The following KIF16B variants were observed in gnomAD, a reference collection of about 807,000 sequenced individuals.
KIF16B encodes the protein kinesin family member 16B.
In KIF16B, 98 loss-of-function variants were observed where a neutral mutation model predicts 156.3. The ratio of observed to expected loss-of-function variants is 0.63; its 90% CI spans 0.53 to 0.74. The LOEUF (loss-of-function observed/expected upper bound fraction) is 0.74. KIF16B is among the 30% of genes least tolerant of loss of function. KIF16B has a pLI of 0.00. For missense variants in KIF16B, 1,421 were observed against 1,606.5 expected, an observed-to-expected ratio of 0.88 and a Z score of 1.97; for synonymous variants, 564 against 583.7, an observed-to-expected ratio of 0.97 and a Z score of 0.49.
intron 17 of KIF16B, among the ~76,000 whole-genome samples, chr20:16,404,018 G>A (rs1045296504): frequency 2.0e-5 from 3 of 152,162 alleles, no homozygotes; most frequent in African/African-American, 7.2e-5. Flanking sequence ...CATGTAAAAT[G>A]GGAATAGGTT....
At chr20:16,395,509 T>G (rs1262724979) in intron 17 of KIF16B, among the ~76,000 whole-genome samples, 1 of 152,186 alleles carries the variant, frequency 6.6e-6, no homozygotes, top group African/African-American at 2.4e-5. Context: ...TGCCTTTGGC[T>G]TTTGGTATTC....
intron 24 of KIF16B, among the ~76,000 whole-genome samples, chr20:16,322,672 G>A (rs1390772941): frequency 2.6e-5 from 4 of 151,994 alleles, no homozygotes; most frequent in African/African-American, 4.8e-5. Flanking sequence ...AACTGACACA[G>A]CCCAATTTTC....
At chr20:16,383,841 C>G (rs2065162986) in intron 17 of KIF16B, among the ~76,000 whole-genome samples, 3 of 152,350 alleles carry the variant, frequency 2.0e-5, no homozygotes, top group South Asian at 2.1e-4. Context: ...CTGGCTTTGA[C>G]AGTGTCACGT....
At chr20:16,281,894 G>A (rs1480623180) in intron 25 of KIF16B, among the ~76,000 whole-genome samples, 2 of 152,054 alleles carry the variant, frequency 1.3e-5, no homozygotes, top group Non-Finnish European at 2.9e-5. Context: ...ATCTTCCAAG[G>A]ACTGGTTCAA....
At chr20:16,297,697 G>GAAA (rs35929179) in intron 25 of KIF16B, among the ~76,000 whole-genome samples, 3 of 103,930 alleles carry the variant, frequency 2.9e-5, no homozygotes, top group Admixed American at 1.0e-4. Context: ...CTCCATCTCA[G>GAAA]AAAAAAAAAA....
intron 1 of KIF16B, among the ~76,000 whole-genome samples, chr20:16,540,173 G>GT (rs2070139034): frequency 6.6e-6 from 1 of 152,224 alleles, no homozygotes; most frequent in African/African-American, 2.4e-5. Flanking sequence ...TGACAATCAA[G>GT]TTTGCAGCTC....
At position 16,396,525 on chromosome 20, in the gene KIF16B, T is replaced by C. The variant is rs80015612; in HGVS notation, c.1784+8288A>G. 7.7e-3 allele frequency among the ~76,000 whole-genome samples: 1,171 copies of C among 151,896 alleles called. 9 individuals are homozygous for C. The highest frequency in any genetic ancestry group is 0.013 in the Non-Finnish European group (889 of 67,972). ...ATATAAATATATATATATAAATGTG[T>C]GTACATATATAAATGTGTGTGTACA... On this transcript the variant is annotated intron_variant, in intron 17 of 25. Transcript: ENST00000354981.
At chr20:16,516,617 C>T (rs926315666) in intron 3 of KIF16B, among the ~76,000 whole-genome samples, 1 of 152,138 alleles carries the variant, frequency 6.6e-6, no homozygotes, top group Non-Finnish European at 1.5e-5. Context: ...CACCAACGTC[C>T]AAGGTGGGGC....
At chr20:16,537,990 C>T (rs1207411118) in intron 1 of KIF16B, among the ~76,000 whole-genome samples, 1 of 152,156 alleles carries the variant, frequency 6.6e-6, no homozygotes, top group Non-Finnish European at 1.5e-5. Flanking sequence ...AGGCATGAGC[C>T]ACCATGCCCA....
intron 19 of KIF16B, among the ~76,000 whole-genome samples, chr20:16,376,270 G>A (rs76115025): frequency 0.03 from 4,508 of 152,228 alleles, 90 homozygotes; most frequent in South Asian, 0.052. Context: ...ATTTCTAGTT[G>A]GGTTACCTGA....
At chr20:16,424,353 C>T (rs2066301949) in intron 15 of KIF16B, among the ~76,000 whole-genome samples, 1 of 152,216 alleles carries the variant, frequency 6.6e-6, no homozygotes, top group South Asian at 2.1e-4. Context: ...GGACATTATG[C>T]ACCTCCTCCA....
In KIF16B at chr20:16,285,480, G is replaced by A. The variant is rs369410009; in HGVS notation, c.3796-12069C>T. ...AATTTATTGTTATTAGTTTTTTTGC[G>A]TATCTTTCTATGGCATTTTAATGCC... On this transcript the variant is annotated intron_variant, in intron 25 of 25. Coordinates refer to ENST00000354981, the MANE Select transcript of KIF16B (RefSeq NM_024704.5). Among the ~76,000 whole-genome samples, 16 of 152,130 alleles carry A rather than the reference G, an allele frequency of 1.1e-4. No individual in the cohort carries two copies. The East Asian group carries it at 1.5e-3, about 15-fold the overall frequency.
intron 17 of KIF16B, among the ~76,000 whole-genome samples, chr20:16,383,724 C>A (rs1245373135): frequency 1.3e-5 from 2 of 152,188 alleles, no homozygotes; most frequent in Non-Finnish European, 2.9e-5. Flanking sequence ...CAAAAAGAAT[C>A]ATTGGATAAA....
intron 10 of KIF16B, among the ~76,000 whole-genome samples, chr20:16,500,956 A>G (rs1356686981): frequency 6.6e-6 from 1 of 152,140 alleles, no homozygotes; most frequent in African/African-American, 2.4e-5. Context: ...GTCTCCAGAT[A>G]CATTCAAGAG....
At chr20:16,306,508 T>C (rs2063542513) in intron 25 of KIF16B, among the ~76,000 whole-genome samples, 1 of 152,192 alleles carries the variant, frequency 6.6e-6, no homozygotes, top group Non-Finnish European at 1.5e-5. Context: ...ATCTTACAGG[T>C]TGAAAGACAG....
intron 12 of KIF16B, among the ~76,000 whole-genome samples, chr20:16,454,101 A>G (rs1300470783): frequency 1.3e-5 from 2 of 152,164 alleles, no homozygotes; most frequent in South Asian, 4.1e-4. Flanking sequence ...TGTACCGTGC[A>G]CTTGTGAAAA....
At chr20:16,490,975 G>A (rs1448860304) in intron 12 of KIF16B, among the ~76,000 whole-genome samples, 2 of 152,168 alleles carry the variant, frequency 1.3e-5, no homozygotes, top group African/African-American at 2.4e-5. Flanking sequence ...AGAGTTGGCA[G>A]AAAGAGGAAG....
At chr20:16,470,783 C>T (rs1405878460) in intron 12 of KIF16B, among the ~76,000 whole-genome samples, 2 of 151,960 alleles carry the variant, frequency 1.3e-5, no homozygotes, top group Non-Finnish European at 2.9e-5. Flanking sequence ...AGGCATGAAC[C>T]AATGCACATG....
At chr20:16,481,347 C>G (rs909073742) in intron 12 of KIF16B, among the ~76,000 whole-genome samples, 2 of 152,056 alleles carry the variant, frequency 1.3e-5, no homozygotes, top group Non-Finnish European at 2.9e-5. Context: ...AGGCGTATGC[C>G]ACCTGTCTGG....
Sources: gnomAD v4.1 joint callset for allele counts (sites outside exome capture counted in the v4.1 genomes callset) on GRCh38, gnomAD v4.1.1 for gene constraint, MANE v1.5 for transcripts, NCBI Gene and HGNC (gene_info 2026-07-23, HGNC 2026-07-21) for gene names.